CCNYL1: variants seen among roughly 807,000 people sequenced by gnomAD.
CCNYL1 encodes cyclin-Y-like protein 1.
A neutral mutation model predicts 44.2 loss-of-function variants in CCNYL1; 16 were observed. The ratio of observed to expected loss-of-function variants is 0.36; its 90% CI spans 0.25 to 0.55. The LOEUF (loss-of-function observed/expected upper bound fraction) is 0.55, where lower values mean the gene tolerates loss of function less well. Ranked by LOEUF, CCNYL1 falls within the 20% of genes least tolerant of loss-of-function variation. The pLI is 0.85. For missense variants in CCNYL1, 348 were observed against 451.8 expected (o/e 0.77, Z 2.08); for synonymous variants, 159 against 163.2 (o/e 0.97, Z 0.20).
chr2:207,732,417 G>C lies in CCNYL1; in HGVS notation c.331-1530G>C, dbSNP rs188044796. 5.1e-4 allele frequency among the ~76,000 whole-genome samples: 78 copies of C among 152,236 alleles called. No homozygotes were observed. In the East Asian group the frequency reaches 0.014, roughly 28 times the overall value. ...GAAACAAAATGCTGTTACACTGTAT[G>C]GATATTTCTGATTATTGGCTACTGG... On this transcript the variant is annotated intron_variant, in intron 3 of 9. Coordinates refer to ENST00000295414, the MANE Select transcript of CCNYL1 (RefSeq NM_001330218.2).
rs760380813 is a variant in CCNYL1, at chr2:207,711,867, G to A, written c.-30G>A. 3.0e-6 allele frequency: 4 copies of A among 1,346,934 alleles called. No homozygotes were observed. Among genetic ancestry groups the A allele is most frequent in the Non-Finnish European group, 3.8e-6 (4 of 1,040,250 alleles). 83.4% of individuals were successfully genotyped at this position (1,346,934 alleles called of 1,614,324 possible). On this transcript the variant is annotated 5_prime_UTR_variant, in exon 1 of 10. Coordinates refer to ENST00000295414, the MANE Select transcript of CCNYL1 (RefSeq NM_001330218.2). ...GGCGGCGGAGTAGGGGGCGAGCGAA[G>A]GCGGTGGCAGAGAGGAGCGGAGGCT...
intron 9 of CCNYL1, among the ~76,000 whole-genome samples, chr2:207,751,945 G>A (rs13400285): frequency 0.15 from 23,447 of 151,814 alleles, 2,965 homozygotes; most frequent in East Asian, 0.38. Context: ...TGAGGCATGA[G>A]CATCGCTTGA....
intron 8 of CCNYL1, among the ~76,000 whole-genome samples, chr2:207,748,027 G>A (rs2091866237): frequency 6.6e-6 from 1 of 152,102 alleles, no homozygotes; most frequent in Non-Finnish European, 1.5e-5. Context: ...TTAGGTCTTA[G>A]GGCCTCTGGA....
chr2:207,752,710 G>C (rs2091902646), intron 9 of CCNYL1, among the ~76,000 whole-genome samples: 1 of 152,054 alleles, frequency 6.6e-6, no homozygotes, highest in Non-Finnish European at 1.5e-5. Flanking sequence ...TGGTACTTTA[G>C]AATAATATGT....
intron 1 of CCNYL1, among the ~76,000 whole-genome samples, chr2:207,713,401 C>A (rs2091569070): frequency 6.6e-6 from 1 of 152,132 alleles, no homozygotes; most frequent in Non-Finnish European, 1.5e-5. Flanking sequence ...CCAATAGAAT[C>A]CTGGTCAAAG....
chr2:207,752,343 A>G (rs1467606981), intron 9 of CCNYL1, among the ~76,000 whole-genome samples: 1 of 151,986 alleles, frequency 6.6e-6, no homozygotes, highest in Non-Finnish European at 1.5e-5. Flanking sequence ...GGACTTCAAG[A>G]CCAGCCTTAC....
intron 4 of CCNYL1, among the ~76,000 whole-genome samples, chr2:207,736,448 T>C (rs993126864): frequency 6.6e-6 from 1 of 152,232 alleles, no homozygotes; most frequent in East Asian, 1.9e-4. Flanking sequence ...AAAAGTCGTG[T>C]CTGTTCACTA....
intron 5 of CCNYL1, among the ~76,000 whole-genome samples, chr2:207,738,230 G>GT (rs1170161351): frequency 6.4e-5 from 8 of 125,190 alleles, no homozygotes; most frequent in Admixed American, 5.9e-4. Flanking sequence ...ATTTTTATTT[G>GT]GTTTTTTTTG....
At chr2:207,747,015 C>G (rs749239350) in intron 7 of CCNYL1, 32 bp from the exon 8 acceptor site, 4 of 1,455,002 alleles carry the variant, frequency 2.7e-6, no homozygotes, top group Middle Eastern at 1.8e-4. Context: ...TTAAACTGAA[C>G]TAAAATCAAA....
At chr2:207,728,277 C>CAA (rs2091696266) in intron 3 of CCNYL1, among the ~76,000 whole-genome samples, 3 of 104,168 alleles carry the variant, frequency 2.9e-5, no homozygotes, top group Non-Finnish European at 4.0e-5. Flanking sequence ...TTTTTTTTTT[C>CAA]TTTTTTTCTC....
chr2:207,719,578 G>A (rs1336366662), intron 1 of CCNYL1, among the ~76,000 whole-genome samples: 2 of 152,076 alleles, frequency 1.3e-5, no homozygotes, highest in Non-Finnish European at 2.9e-5. Context: ...TGGGATTACA[G>A]GTGTGAGCTA....
At position 207,712,136 on chromosome 2, in the gene CCNYL1, C is replaced by T. The variant is rs775897174; in HGVS notation, c.220+20C>T. The T allele has an allele frequency of 3.1e-6, 5 of 1,588,808 alleles. No individual in the cohort carries two copies. In the South Asian group the frequency reaches 3.3e-5, roughly 11 times the overall value. On this transcript the variant is annotated intron_variant, in intron 1 of 9. Transcript: ENST00000295414. The stretch of plus-strand genomic sequence containing the variant: ...CCGAAGGTAAGGAGGCGGCGGATGC[C>T]ATCCGCCCTCGGGCTCACCTCTGCC...
chr2:207,727,706 TC>T (rs139958856), intron 3 of CCNYL1, among the ~76,000 whole-genome samples: 1,644 of 152,316 alleles, frequency 0.011, 19 homozygotes, highest in Middle Eastern at 0.041. Context: ...CCTTTTGTCA[TC>T]CTCTTCAAAT....
intron 3 of CCNYL1, 36 bp from the exon 4 acceptor site, chr2:207,733,911 A>T: frequency 7.5e-7 from 1 of 1,331,056 alleles, no homozygotes; most frequent in Non-Finnish European, 1.1e-6. Context: ...GGTTTAACTT[A>T]CTGTGACATT....
chr2:207,730,172 G>A (rs564949186), intron 3 of CCNYL1, among the ~76,000 whole-genome samples: 9 of 152,118 alleles, frequency 5.9e-5, no homozygotes, highest in Non-Finnish European at 1.3e-4. Flanking sequence ...CCATTTCCCA[G>A]ATTTCAGTCC....
At chr2:207,749,201 G>A (rs1460492363) in intron 8 of CCNYL1, among the ~76,000 whole-genome samples, 1 of 152,188 alleles carries the variant, frequency 6.6e-6, no homozygotes, top group African/African-American at 2.4e-5. Context: ...AGCACCAGGA[G>A]CTATGCTACA....
intron 8 of CCNYL1, among the ~76,000 whole-genome samples, chr2:207,749,531 G>A (rs2091877603): frequency 6.6e-6 from 1 of 152,112 alleles, no homozygotes; most frequent in Admixed American, 6.5e-5. Flanking sequence ...TGCATATTCT[G>A]TAAGCATAAT....
intron 4 of CCNYL1, among the ~76,000 whole-genome samples, chr2:207,737,098 G>A (rs956327547): frequency 1.8e-4 from 28 of 152,114 alleles, no homozygotes; most frequent in Admixed American, 1.8e-3. Context: ...TGTATTTTTA[G>A]TAGAGACGGG....
At chr2:207,721,175 T>G (rs1411020365) in intron 1 of CCNYL1, among the ~76,000 whole-genome samples, 1 of 152,172 alleles carries the variant, frequency 6.6e-6, no homozygotes, top group Admixed American at 6.5e-5. Flanking sequence ...GCAGTAAGCC[T>G]TTAAATAAAC....
Sources: gnomAD v4.1 joint callset for allele counts (sites outside exome capture counted in the v4.1 genomes callset) on GRCh38, gnomAD v4.1.1 for gene constraint, MANE v1.5 for transcripts, NCBI Gene and HGNC (gene_info 2026-07-23, HGNC 2026-07-21) for gene names.